PRIMPOL: variants seen among roughly 807,000 people sequenced by gnomAD.
PRIMPOL encodes the protein DNA-directed primase/polymerase protein.
In PRIMPOL, 54 loss-of-function variants were observed where a neutral mutation model predicts 63.6. That is an observed-to-expected ratio of 0.85 (90% confidence interval 0.68 to 1.07). PRIMPOL has a LOEUF of 1.07. Among genes scored for constraint, PRIMPOL ranks in the 50% least tolerant of loss-of-function variants. The probability of loss-of-function intolerance (pLI) is 0.00; values close to 1 mark genes in which losing one functional copy is unlikely to be tolerated. For synonymous variants in PRIMPOL, 197 were observed against 220.2 expected (o/e 0.89, Z 0.93); for missense variants, 610 against 648.3 (o/e 0.94, Z 0.64).
intron 6 of PRIMPOL, among the ~76,000 whole-genome samples, chr4:184,666,632 A>C (rs886847382): frequency 6.6e-6 from 1 of 152,200 alleles, no homozygotes; most frequent in Non-Finnish European, 1.5e-5. Context: ...TTTCTGCTCC[A>C]ACATGATTTA....
chr4:184,678,279 A>C lies in PRIMPOL; in HGVS notation c.892A>C (p.Ile298Leu). ...RNFRLYKSSK[I>L]GKRVALEVTE... ...CTTTCGGCTATATAAATCATCAAAA[A>C]TTGGAAAGCGTGTGGCTTTGGAGGT... The change falls in exon 8 of 14, where the codon ATT becomes CTT. Residue 298 changes from isoleucine to leucine, a missense_variant. Transcript: ENST00000314970. 1 of 1,601,512 alleles carries C rather than the reference A, an allele frequency of 6.2e-7. No homozygotes were observed. Among genetic ancestry groups the C allele is most frequent in the African/African-American group, 1.3e-5 (1 of 74,412 alleles).
At chr4:184,691,385 T>A in intron 11 of PRIMPOL, 114 bp from the exon 12 acceptor site, 1 of 666,876 alleles carries the variant, frequency 1.5e-6, no homozygotes, top group Middle Eastern at 4.1e-4. Flanking sequence ...TTTTACTTTT[T>A]AATTTTTCTC....
chr4:184,694,842 T>A lies in PRIMPOL; in HGVS notation c.*63T>A, dbSNP rs529952585. On this transcript the variant is annotated 3_prime_UTR_variant, in exon 14 of 14. Transcript: ENST00000314970. Reference sequence around the variant, plus strand: ...TTTGCCTGATGTCTGTGAGATTTGATAAATATATCATTCAACCTGTTTATA... The same window carrying A: ...TTTGCCTGATGTCTGTGAGATTTGAAAAATATATCATTCAACCTGTTTATA... 543 of 1,360,604 alleles carry A rather than the reference T, an allele frequency of 4.0e-4. 5 individuals are homozygous for A. The African/African-American group carries it at 7.4e-3, about 19-fold the overall frequency. The allele number at this position is 1,360,604 out of a possible 1,614,324, so 84.3% of individuals were successfully genotyped here. A position where few individuals can be genotyped will look rare whatever the true frequency, so the allele number is the denominator to read the frequency against.
At chr4:184,655,480 C>T (rs933975252) in intron 2 of PRIMPOL, among the ~76,000 whole-genome samples, 1 of 151,182 alleles carries the variant, frequency 6.6e-6, no homozygotes, top group Non-Finnish European at 1.5e-5. Context: ...CACCACCATG[C>T]CCAGCTAATT....
chr4:184,666,132 A>C, intron 6 of PRIMPOL, 68 bp downstream of exon 6: 1 of 1,275,118 alleles, frequency 7.8e-7, no homozygotes, highest in East Asian at 2.5e-5. Context: ...TTCCTCTTAA[A>C]ATTTTGTGTG....
intron 2 of PRIMPOL, among the ~76,000 whole-genome samples, chr4:184,653,484 A>C (rs1366234921): frequency 6.6e-6 from 1 of 152,194 alleles, no homozygotes; most frequent in Non-Finnish European, 1.5e-5. Context: ...CAATGTTAAG[A>C]ATTAAATAAT....
At chr4:184,679,926 G>A (rs908728847) in intron 8 of PRIMPOL, among the ~76,000 whole-genome samples, 1 of 152,094 alleles carries the variant, frequency 6.6e-6, no homozygotes, top group Non-Finnish European at 1.5e-5. Flanking sequence ...CCAGGAAACC[G>A]GTTCCTGGTG....
At chr4:184,691,355 G>A in intron 11 of PRIMPOL, 144 bp from the exon 12 acceptor site, 1 of 584,468 alleles carries the variant, frequency 1.7e-6, no homozygotes, top group East Asian at 2.9e-5. Context: ...GTTTTGATTG[G>A]TATGTATCTA....
chr4:184,659,406 T>C lies in PRIMPOL; in HGVS notation c.247T>C (p.Tyr83His), dbSNP rs552673723. 1 of 1,613,842 alleles carries C rather than the reference T, an allele frequency of 6.2e-7. No homozygotes were observed. The highest frequency in any genetic ancestry group is 1.3e-5 in the African/African-American group (1 of 75,064). ...DGQRIYLVTTYAEFWFYYKSR... is the reference protein window; with the variant it reads ...DGQRIYLVTTHAEFWFYYKSR... ...ACAACGTATTTACCTTGTGACAACC[T>C]ATGCTGAATTTTGGTTTTACTATAA... is the stretch of plus-strand genomic sequence containing the variant. Residue 83 changes from tyrosine to histidine, a missense_variant, in exon 4 of 14, where the codon TAT (tyrosine) becomes CAT (histidine). Tyr to His is a moderately conservative substitution (Grantham distance 83). Around this residue, in one of 3 missense-constraint regions of PRIMPOL, gnomAD observed 159 missense variants for 168.9 expected, o/e 0.94. Transcript: ENST00000314970.
intron 13 of PRIMPOL, among the ~76,000 whole-genome samples, chr4:184,692,847 T>G (rs1303499836): frequency 1.3e-5 from 2 of 152,210 alleles, no homozygotes; most frequent in African/African-American, 4.8e-5. Context: ...CTCAGTTGTT[T>G]TAATTTGCAT....
Position 184,658,822 on chromosome 4 carries a change from C to T in PRIMPOL, c.181-518C>T, listed in dbSNP as rs572510984. ...ACTTGGGAGGCTGAGGCAGGAGAATCGCTTAAACCTGGGAGACAGAGGTTG... is the reference window on the plus strand; with the variant it reads ...ACTTGGGAGGCTGAGGCAGGAGAATTGCTTAAACCTGGGAGACAGAGGTTG... On this transcript the variant is annotated intron_variant, in intron 3 of 13. Transcript: ENST00000314970. Among the ~76,000 whole-genome samples, 515 of 151,244 alleles carry T rather than the reference C, an allele frequency of 3.4e-3. 6 individuals carry two copies. Among genetic ancestry groups the T allele is most frequent in the African/African-American group, 0.012 (487 of 41,166 alleles).
chr4:184,668,048 T>A (rs887415921), intron 6 of PRIMPOL, among the ~76,000 whole-genome samples: 2 of 152,352 alleles, frequency 1.3e-5, no homozygotes, highest in Admixed American at 1.3e-4. Flanking sequence ...TCTTTGACCC[T>A]CTTCCCACTC....
intron 6 of PRIMPOL, among the ~76,000 whole-genome samples, chr4:184,670,728 A>G (rs1751377292): frequency 6.6e-6 from 1 of 151,914 alleles, no homozygotes; most frequent in Non-Finnish European, 1.5e-5. Flanking sequence ...TTGTATTTTT[A>G]GTAGAGACGC....
chr4:184,673,669 C>T (rs1303208543), intron 7 of PRIMPOL, among the ~76,000 whole-genome samples: 3 of 152,048 alleles, frequency 2.0e-5, no homozygotes, highest in Admixed American at 6.6e-5. Flanking sequence ...GTGATCCGCC[C>T]GCCTCAGCCT....
intron 13 of PRIMPOL, among the ~76,000 whole-genome samples, chr4:184,693,885 TCTCAAACTCCTGGC>T (rs1382435813): frequency 6.6e-6 from 1 of 152,144 alleles, no homozygotes; most frequent in African/African-American, 2.4e-5. Flanking sequence ...CCCGGGCTGG[TCTCAAACTCCTGGC>T]CTCAAGCAGT....
chr4:184,673,945 C>G (rs1410136140), intron 7 of PRIMPOL, among the ~76,000 whole-genome samples: 1 of 152,334 alleles, frequency 6.6e-6, no homozygotes, highest in East Asian at 1.9e-4. Flanking sequence ...GCCACACGGG[C>G]AGAGGCACCT....
At chr4:184,689,639 A>G (rs1757963002) in intron 11 of PRIMPOL, among the ~76,000 whole-genome samples, 1 of 151,716 alleles carries the variant, frequency 6.6e-6, no homozygotes, top group Non-Finnish European at 1.5e-5. Flanking sequence ...TATTTTTATT[A>G]GAGATGCGGT....
At chr4:184,667,384 C>G (rs548526303) in intron 6 of PRIMPOL, among the ~76,000 whole-genome samples, 4 of 152,002 alleles carry the variant, frequency 2.6e-5, no homozygotes, top group Non-Finnish European at 5.9e-5. Context: ...GTTCTTGGCT[C>G]ACTGCAACCT....
chr4:184,665,233 G>A (rs1749519837), intron 5 of PRIMPOL, among the ~76,000 whole-genome samples: 1 of 152,076 alleles, frequency 6.6e-6, no homozygotes, highest in Non-Finnish European at 1.5e-5. Flanking sequence ...ACTCCAAAAG[G>A]TAGCTGCTAT....
Sources: allele counts gnomAD v4.1 joint callset (sites outside exome capture counted in the v4.1 genomes callset), GRCh38; gene constraint gnomAD v4.1.1; regional missense constraint gnomAD v4.1.1; transcripts MANE v1.5; gene names NCBI Gene and HGNC (gene_info 2026-07-23, HGNC 2026-07-21).